The following CDH18 variants were observed in gnomAD, a reference collection of about 807,000 sequenced individuals.
The protein encoded by CDH18 is cadherin-18.
In CDH18, 31 loss-of-function variants were observed where a neutral mutation model predicts 67.9. The ratio of observed to expected loss-of-function variants is 0.46; its 90% CI spans 0.34 to 0.62. The LOEUF (loss-of-function observed/expected upper bound fraction) is 0.62. CDH18 is among the 20% of genes least tolerant of loss of function. CDH18 has a pLI of 0.01. For missense variants in CDH18, 890 were observed against 975.5 expected (o/e 0.91, Z 1.17); for synonymous variants, 362 against 347.2 (o/e 1.04, Z -0.48).
chr5:20,310,622 A>C (rs1736895838), intron 1 of CDH18, among the ~76,000 whole-genome samples: 1 of 152,176 alleles, frequency 6.6e-6, no homozygotes, highest in Non-Finnish European at 1.5e-5. Context: ...TATATGTCTT[A>C]AAGTGGGGTC....
In CDH18 at chr5:20,007,519, G is replaced by A. The variant is rs760148418; in HGVS notation, c.-517-15505C>T. On this transcript the variant is annotated intron_variant, in intron 2 of 14. Transcript: ENST00000507958. Reference sequence around the variant, plus strand: ...AAATGTCCATGAAATCTTTGAATACGAAAGGAATTTTTAAGCATGACTCAA... The same window carrying A: ...AAATGTCCATGAAATCTTTGAATACAAAAGGAATTTTTAAGCATGACTCAA... 3.4e-4 allele frequency among the ~76,000 whole-genome samples: 52 copies of A among 152,158 alleles called. 1 individual carries two copies. In the East Asian group the frequency reaches 8.1e-3, roughly 24 times the overall value.
At chr5:19,670,972 A>G (rs1390780573) in intron 5 of CDH18, among the ~76,000 whole-genome samples, 1 of 152,114 alleles carries the variant, frequency 6.6e-6, no homozygotes. Context: ...AATTTTAAAA[A>G]TAGGAAATGA....
intron 1 of CDH18, among the ~76,000 whole-genome samples, chr5:20,344,901 C>G (rs1740581244): frequency 6.6e-6 from 1 of 152,146 alleles, no homozygotes; most frequent in Admixed American, 6.6e-5. Flanking sequence ...ACCCATATGA[C>G]ATTTGGTACT....
chr5:19,854,823 C>T lies in CDH18; in HGVS notation c.-256-15581G>A, dbSNP rs565808333. 4.6e-5 allele frequency among the ~76,000 whole-genome samples: 7 copies of T among 151,814 alleles called. No homozygotes were observed. In the East Asian group the frequency reaches 1.2e-3, roughly 25 times the overall value. On this transcript the variant is annotated intron_variant, in intron 2 of 12. Coordinates refer to ENST00000382275, the MANE Select transcript of CDH18 (RefSeq NM_004934.5). ...GTGCTACTTAATACTAGATCGTATT[C>T]ATTCTATCTAACTGTATTTTTGTAT... is the stretch of plus-strand genomic sequence containing the variant.
chr5:20,180,743 C>A (rs1333354642), intron 2 of CDH18, among the ~76,000 whole-genome samples: 3 of 152,126 alleles, frequency 2.0e-5, no homozygotes, highest in Admixed American at 2.0e-4. Context: ...CAGTGACCCC[C>A]CTGGACCCAG....
intron 1 of CDH18, among the ~76,000 whole-genome samples, chr5:20,555,398 A>C: frequency 1.9e-5 from 2 of 104,148 alleles, no homozygotes; most frequent in East Asian, 2.5e-4. Context: ...AACCACCAAG[A>C]CAAGCTTTTC....
At chr5:19,725,517 C>A (rs1036183962) in intron 4 of CDH18, among the ~76,000 whole-genome samples, 1 of 152,142 alleles carries the variant, frequency 6.6e-6, no homozygotes, top group Non-Finnish European at 1.5e-5. Flanking sequence ...CGCCTGTAAT[C>A]CCAGCAATTT....
chr5:20,266,989 G>C (rs1745091640), intron 1 of CDH18, among the ~76,000 whole-genome samples: 1 of 152,166 alleles, frequency 6.6e-6, no homozygotes, highest in African/African-American at 2.4e-5. Flanking sequence ...GATAGACAAA[G>C]CCAGTCTACT....
intron 2 of CDH18, among the ~76,000 whole-genome samples, chr5:20,203,399 T>A (rs1235430510): frequency 6.6e-6 from 1 of 152,114 alleles, no homozygotes; most frequent in Non-Finnish European, 1.5e-5. Flanking sequence ...TGAGGAGGTA[T>A]GTTCCATGGT....
chr5:19,544,091 T>C, intron 8 of CDH18, 86 bp from the exon 9 acceptor site: 1 of 511,260 alleles, frequency 2.0e-6, no homozygotes, highest in Non-Finnish European at 3.2e-6. Flanking sequence ...CTAAATACAT[T>C]AAAATATTCA....
At chr5:19,608,700 C>T (rs907686931) in intron 6 of CDH18, among the ~76,000 whole-genome samples, 5 of 151,682 alleles carry the variant, frequency 3.3e-5, no homozygotes, top group African/African-American at 9.7e-5. Context: ...AGTGAGTTTA[C>T]GTTCTTGGCA....
chr5:20,139,157 T>G (rs1750010070), intron 2 of CDH18, among the ~76,000 whole-genome samples: 1 of 151,952 alleles, frequency 6.6e-6, no homozygotes, highest in South Asian at 2.1e-4. Context: ...TCAGAAATAA[T>G]ACCACACATC....
chr5:19,499,142 A>G (rs1329770177), intron 11 of CDH18, among the ~76,000 whole-genome samples: 1 of 152,220 alleles, frequency 6.6e-6, no homozygotes, highest in East Asian at 1.9e-4. Context: ...AACTTGTTTT[A>G]GTGAACTCTG....
chr5:20,504,038 GAAA>G (rs201250312), intron 1 of CDH18, among the ~76,000 whole-genome samples: 22 of 142,252 alleles, frequency 1.5e-4, no homozygotes, highest in Admixed American at 2.8e-4. Flanking sequence ...ACTCTGTCAA[GAAA>G]AAAAAAAAAA....
At chr5:20,420,642 G>T (rs1261282648) in intron 1 of CDH18, among the ~76,000 whole-genome samples, 1 of 151,060 alleles carries the variant, frequency 6.6e-6, no homozygotes, top group Non-Finnish European at 1.5e-5. Flanking sequence ...AAGGTCTTTT[G>T]TATTTTGCCC....
At chr5:19,932,175 T>A (rs777750949) in intron 2 of CDH18, among the ~76,000 whole-genome samples, 5 of 151,796 alleles carry the variant, frequency 3.3e-5, no homozygotes, top group Non-Finnish European at 7.4e-5. Context: ...CTGAGAACTA[T>A]AAGACACGTT....
intron 1 of CDH18, among the ~76,000 whole-genome samples, chr5:20,564,632 T>C (rs2126655455): frequency 6.6e-6 from 1 of 152,258 alleles, no homozygotes; most frequent in South Asian, 2.1e-4. Context: ...AAAGTTAATT[T>C]CTTCTTTATT....
Position 20,118,758 on chromosome 5 carries a change from A to G in CDH18, c.-517-126744T>C, listed in dbSNP as rs150506485. Among the ~76,000 whole-genome samples, 17 of 152,248 alleles carry G rather than the reference A, an allele frequency of 1.1e-4. No individual in the cohort carries two copies. The East Asian group carries it at 3.3e-3, about 29-fold the overall frequency. ...TTTGCCCACTGGCCCAGCCTGCCCA[A>G]TAAGCCATCCTCCAACACCTAGAGC... is the stretch of plus-strand genomic sequence containing the variant. On this transcript the variant is annotated intron_variant, in intron 2 of 14. Transcript: ENST00000507958.
chr5:20,115,624 G>T (rs543856922), intron 2 of CDH18, among the ~76,000 whole-genome samples: 1 of 151,976 alleles, frequency 6.6e-6, no homozygotes, highest in African/African-American at 2.4e-5. Context: ...AGGGGTTAGG[G>T]TATCAACATA....
Sources: gnomAD v4.1 joint callset for allele counts (sites outside exome capture counted in the v4.1 genomes callset) on GRCh38, gnomAD v4.1.1 for gene constraint, MANE v1.5 for transcripts, NCBI Gene and HGNC (gene_info 2026-07-23, HGNC 2026-07-21) for gene names.